Variants in QTMAN observed in about 807,000 individuals in gnomAD.
QTMAN encodes queuosine-tRNA mannosyltransferase.
At chr2:144,273,991 G>A in the QTMAN span, among the ~76,000 whole-genome samples, 4 of 152,118 alleles carry the variant, frequency 2.6e-5, no homozygotes, top group Non-Finnish European at 5.9e-5. Flanking sequence ...AAAATGAGCT[G>A]GGCGTGATGG....
the QTMAN span, among the ~76,000 whole-genome samples, chr2:143,998,434 G>C: frequency 6.8e-6 from 1 of 147,226 alleles, no homozygotes; most frequent in Non-Finnish European, 1.5e-5. Context: ...GACGACAGAA[G>C]GGGGGGGAAA....
the QTMAN span, among the ~76,000 whole-genome samples, chr2:144,081,253 A>G: frequency 1.7e-4 from 26 of 152,260 alleles, no homozygotes; most frequent in South Asian, 5.0e-3. Context: ...GAGGGTTAAG[A>G]TAAGGTAAGG....
the QTMAN span, among the ~76,000 whole-genome samples, chr2:143,991,545 G>A: frequency 1.2e-3 from 174 of 146,308 alleles, 1 homozygote; most frequent in Admixed American, 2.6e-3. Context: ...CAGCCGCCCC[G>A]TCCGGGAGGG....
chr2:144,150,674 C>T, the QTMAN span, among the ~76,000 whole-genome samples: 1 of 152,018 alleles, frequency 6.6e-6, no homozygotes, highest in African/African-American at 2.4e-5. Context: ...AACCTAATTT[C>T]CATGTTCCTC....
the QTMAN span, among the ~76,000 whole-genome samples, chr2:143,980,613 A>G: frequency 1.3e-5 from 2 of 152,186 alleles, no homozygotes; most frequent in African/African-American, 4.8e-5. Context: ...CTTGATGTCA[A>G]TGACAACTCA....
At chr2:143,949,012 T>C in the QTMAN span, among the ~76,000 whole-genome samples, 1 of 152,190 alleles carries the variant, frequency 6.6e-6, no homozygotes, top group South Asian at 2.1e-4. Context: ...ATTTTATATT[T>C]CCTTAAATTA....
the QTMAN span, among the ~76,000 whole-genome samples, chr2:144,025,735 A>C: frequency 6.6e-6 from 1 of 152,144 alleles, no homozygotes; most frequent in South Asian, 2.1e-4. Context: ...AAAAGACCCA[A>C]CCACAGGCAT....
chr2:144,251,954 G>GGGAGGT, the QTMAN span, among the ~76,000 whole-genome samples: 2 of 152,122 alleles, frequency 1.3e-5, no homozygotes, highest in African/African-American at 4.8e-5. Context: ...CCAGCACTTT[G>GGGAGGT]GGAGGTGGAG....
the QTMAN span, among the ~76,000 whole-genome samples, chr2:144,015,244 GCTCT>G: frequency 2.0e-5 from 3 of 151,990 alleles, no homozygotes; most frequent in Non-Finnish European, 2.9e-5. Flanking sequence ...CCTAAAAAGA[GCTCT>G]CTAAGAACAA....
the QTMAN span, among the ~76,000 whole-genome samples, chr2:144,227,285 C>T: frequency 7.9e-5 from 12 of 152,036 alleles, no homozygotes; most frequent in Non-Finnish European, 1.8e-4. Context: ...ATAGTCTATG[C>T]ATAGAGTTAA....
chr2:144,104,589 A>T, the QTMAN span, among the ~76,000 whole-genome samples: 1 of 152,264 alleles, frequency 6.6e-6, no homozygotes, highest in Non-Finnish European at 1.5e-5. Flanking sequence ...GAGGCTTGAC[A>T]AGGTAAACAA....
At chr2:144,192,710 C>G in the QTMAN span, among the ~76,000 whole-genome samples, 2 of 152,204 alleles carry the variant, frequency 1.3e-5, no homozygotes, top group Non-Finnish European at 2.9e-5. Context: ...TTGTAAGTTT[C>G]AAAGATATGT....
chr2:144,122,277 A>G, the QTMAN span, among the ~76,000 whole-genome samples: 5 of 152,216 alleles, frequency 3.3e-5, no homozygotes, highest in African/African-American at 7.2e-5. Flanking sequence ...TAATTAATCT[A>G]TGGGACCATG....
chr2:143,974,230 T>C, the QTMAN span, among the ~76,000 whole-genome samples: 1 of 152,190 alleles, frequency 6.6e-6, no homozygotes, highest in Admixed American at 6.6e-5. Flanking sequence ...CTTATTCTCA[T>C]CCACTGCTGG....
chr2:144,051,870 A>G, the QTMAN span, among the ~76,000 whole-genome samples: 14 of 152,328 alleles, frequency 9.2e-5, no homozygotes, highest in African/African-American at 3.1e-4. Context: ...TGCTGGTGCT[A>G]GAGCAGTTTT....
At chr2:144,023,229 GA>G in the QTMAN span, among the ~76,000 whole-genome samples, 1 of 152,038 alleles carries the variant, frequency 6.6e-6, no homozygotes, top group Non-Finnish European at 1.5e-5. Flanking sequence ...TACTCAGCAT[GA>G]CTTGGAAGAG....
At chr2:144,237,510 T>C in the QTMAN span, among the ~76,000 whole-genome samples, 2 of 152,192 alleles carry the variant, frequency 1.3e-5, no homozygotes, top group Non-Finnish European at 2.9e-5. Flanking sequence ...CGTTTCGTTA[T>C]CTCTTTAAAA....
At chr2:144,151,184 A>G in the QTMAN span, among the ~76,000 whole-genome samples, 1 of 152,140 alleles carries the variant, frequency 6.6e-6, no homozygotes, top group Non-Finnish European at 1.5e-5. Flanking sequence ...TAACAGAAAT[A>G]CATTATTGCA....
At chr2:144,262,741 A>G in the QTMAN span, among the ~76,000 whole-genome samples, 44 of 13,248 alleles carry the variant, frequency 3.3e-3, no homozygotes, top group South Asian at 6.6e-3. Flanking sequence ...GGATGGGAGG[A>G]GAGGGGAGGG....
Sources: gnomAD v4.1 joint callset for allele counts (sites outside exome capture counted in the v4.1 genomes callset) on GRCh38, gnomAD v4.1.1 for gene constraint, MANE v1.5 for transcripts, NCBI Gene and HGNC (gene_info 2026-07-23, HGNC 2026-07-21) for gene names.